Variants in GFRA1 observed in about 807,000 individuals in gnomAD.
GFRA1 encodes the protein GDNF family receptor alpha 1, also known as GDNF family receptor alpha-1.
GFRA1 carries 16 observed loss-of-function variants against 51.6 expected under a neutral mutation model. The observed-to-expected ratio is 0.31, with a 90% CI of 0.21 to 0.47. The LOEUF is 0.47. Ranked by LOEUF, GFRA1 falls within the 20% of genes least tolerant of loss-of-function variation. The pLI is 1.00. For missense variants in GFRA1, 530 were observed against 594.3 expected (o/e 0.89, Z 1.13); for synonymous variants, 270 against 241.3 (o/e 1.12, Z -1.10).
intron 5 of GFRA1, among the ~76,000 whole-genome samples, chr10:116,146,784 G>A (rs1958817956): frequency 6.6e-6 from 1 of 152,230 alleles, no homozygotes. Flanking sequence ...GGAACGTGGA[G>A]GGAAGAAAGC....
At position 116,229,649 on chromosome 10, in the gene GFRA1, A is replaced by T. The variant is rs188180154; in HGVS notation, c.419-18004T>A. Among the ~76,000 whole-genome samples, 603 of 152,300 alleles carry T rather than the reference A, an allele frequency of 4.0e-3. 5 individuals are homozygous for T. Among genetic ancestry groups the T allele is most frequent in the Non-Finnish European group, 7.3e-3 (498 of 68,014 alleles). On this transcript the variant is annotated intron_variant, in intron 4 of 10. Coordinates refer to ENST00000355422, the MANE Select transcript of GFRA1 (RefSeq NM_005264.8). ...GTATTTGGAGCACATGAAGGTGAGG[A>T]GGTGGCTCCCCTGCTAGGTTAAAAC...
intron 4 of GFRA1, among the ~76,000 whole-genome samples, chr10:116,216,327 C>A (rs903454336): frequency 1.3e-5 from 2 of 152,038 alleles, no homozygotes; most frequent in Admixed American, 6.5e-5. Context: ...GTGCACAGAG[C>A]CACGCAGGTT....
intron 3 of GFRA1, among the ~76,000 whole-genome samples, chr10:116,270,262 C>A (rs1281895089): frequency 6.6e-6 from 1 of 152,232 alleles, no homozygotes; most frequent in Non-Finnish European, 1.5e-5. Context: ...TTGAACCACA[C>A]CAGCTGGTTC....
chr10:116,078,969 A>C lies in GFRA1; in HGVS notation c.1197+10772T>G, dbSNP rs374132505. On this transcript the variant is annotated intron_variant, in intron 9 of 10. Transcript: ENST00000355422. ...CCTCCTAAAGCTCCTCCGTCCTCAAAGCCATGTGTGAGAAGCCTGACCATG... is the reference window on the plus strand; with the variant it reads ...CCTCCTAAAGCTCCTCCGTCCTCAACGCCATGTGTGAGAAGCCTGACCATG... Among the ~76,000 whole-genome samples the C allele has an allele frequency of 2.8e-4, 43 of 152,206 alleles. No homozygotes were observed. The East Asian group carries it at 4.8e-3, about 17-fold the overall frequency.
chr10:116,233,096 G>A (rs1003859130), intron 4 of GFRA1, among the ~76,000 whole-genome samples: 1 of 152,156 alleles, frequency 6.6e-6, no homozygotes, highest in African/African-American at 2.4e-5. Context: ...GGAGGCCGAG[G>A]CAGGCAGATC....
intron 5 of GFRA1, among the ~76,000 whole-genome samples, chr10:116,187,881 C>T (rs904959711): frequency 6.6e-6 from 1 of 152,048 alleles, no homozygotes; most frequent in Non-Finnish European, 1.5e-5. Flanking sequence ...AGAGCCCTGG[C>T]CAGGGCTGGA....
At chr10:116,080,450 G>T (rs1395935065) in intron 9 of GFRA1, among the ~76,000 whole-genome samples, 1 of 152,146 alleles carries the variant, frequency 6.6e-6, no homozygotes, top group Non-Finnish European at 1.5e-5. Flanking sequence ...CACCATTAAA[G>T]TACTTGTGTA....
intron 9 of GFRA1, among the ~76,000 whole-genome samples, chr10:116,079,752 C>T (rs1231811346): frequency 6.6e-6 from 1 of 152,096 alleles, no homozygotes; most frequent in African/African-American, 2.4e-5. Flanking sequence ...CTGGAAGAAC[C>T]ATTCAACTCA....
In GFRA1 at chr10:116,112,882, G is replaced by T. The variant is rs536459888; in HGVS notation, c.770+12339C>A. ...GCATCCTGACCCACTGTGGCTAAAC[G>T]AGCTGGGCGCAAGGCAGGCGCACAC... is the stretch of plus-strand genomic sequence containing the variant. On this transcript the variant is annotated intron_variant, in intron 6 of 10. Transcript: ENST00000355422. Among the ~76,000 whole-genome samples, 276 of 152,324 alleles carry T rather than the reference G, an allele frequency of 1.8e-3. 1 individual carries two copies. Among genetic ancestry groups the T allele is most frequent in the Admixed American group, 3.1e-3 (47 of 15,300 alleles).
intron 5 of GFRA1, among the ~76,000 whole-genome samples, chr10:116,160,824 T>C (rs938878629): frequency 6.6e-6 from 1 of 152,194 alleles, no homozygotes. Context: ...CCACATCCAA[T>C]TCTATGCAAG....
intron 6 of GFRA1, among the ~76,000 whole-genome samples, chr10:116,117,211 C>G (rs1422294279): frequency 6.6e-6 from 1 of 152,144 alleles, no homozygotes; most frequent in Non-Finnish European, 1.5e-5. Context: ...CATCAGCACC[C>G]AGTGAATGCG....
chr10:116,150,119 G>A (rs1033623885), intron 5 of GFRA1, among the ~76,000 whole-genome samples: 1 of 152,156 alleles, frequency 6.6e-6, no homozygotes, highest in Non-Finnish European at 1.5e-5. Flanking sequence ...TGGTAGGGCT[G>A]CAGTTTGAAT....
At chr10:116,192,422 A>G (rs938499826) in intron 5 of GFRA1, among the ~76,000 whole-genome samples, 1 of 152,184 alleles carries the variant, frequency 6.6e-6, no homozygotes, top group Non-Finnish European at 1.5e-5. Context: ...CCAGCTCCAG[A>G]AAACCCATCT....
Position 116,269,410 on chromosome 10 carries a change from A to C in GFRA1, c.418+93T>G. 3 of 787,520 alleles carry C rather than the reference A, an allele frequency of 3.8e-6. No individual in the cohort carries two copies. The South Asian group carries it at 4.1e-5, about 11-fold the overall frequency. 48.8% of individuals were successfully genotyped at this position (787,520 alleles called of 1,614,324 possible). ...CCCAGAAACACTGTGCCATTCAACTATCTACTTATATGCTCTTTGAGAGCC... is the reference window on the plus strand; with the variant it reads ...CCCAGAAACACTGTGCCATTCAACTCTCTACTTATATGCTCTTTGAGAGCC... On this transcript the variant is annotated intron_variant, in intron 4 of 10. Coordinates refer to ENST00000355422, the MANE Select transcript of GFRA1 (RefSeq NM_005264.8).
At chr10:116,187,326 G>C (rs897597148) in intron 5 of GFRA1, among the ~76,000 whole-genome samples, 3 of 152,166 alleles carry the variant, frequency 2.0e-5, no homozygotes, top group African/African-American at 7.2e-5. Flanking sequence ...TGCTCGGCCA[G>C]CATCTCTGCA....
chr10:116,125,159 G>A (rs886186716), intron 6 of GFRA1, 62 bp downstream of exon 6: 31 of 1,431,060 alleles, frequency 2.2e-5, no homozygotes, highest in African/African-American at 5.6e-5. Flanking sequence ...CTTGGCAGCC[G>A]AAGCAGCCGC....
In GFRA1 at chr10:116,181,421, T is replaced by C. The variant is rs936837917; in HGVS notation, c.433+30210A>G. On this transcript the variant is annotated intron_variant, in intron 5 of 10. Coordinates refer to ENST00000355422, the MANE Select transcript of GFRA1 (RefSeq NM_005264.8). ...GCTGGCCTCACAACGGAAAGGACCC[T>C]GGGCCAGGAGTCAGGAGGAAGGCCC... Among the ~76,000 whole-genome samples, 3 of 152,166 alleles carry C rather than the reference T, an allele frequency of 2.0e-5. No homozygotes were observed. The East Asian group carries it at 5.8e-4, about 29-fold the overall frequency.
chr10:116,201,594 T>C (rs576905432), intron 5 of GFRA1, among the ~76,000 whole-genome samples: 19 of 152,184 alleles, frequency 1.2e-4, no homozygotes, highest in African/African-American at 4.6e-4. Context: ...ACCATTCTTG[T>C]AGTAGCCTCT....
chr10:116,182,250 C>T (rs1185835817), intron 5 of GFRA1, among the ~76,000 whole-genome samples: 1 of 152,050 alleles, frequency 6.6e-6, no homozygotes, highest in East Asian at 1.9e-4. Flanking sequence ...AGGGGAATGA[C>T]TAACTGACCT....
Sources: allele counts gnomAD v4.1 joint callset (sites outside exome capture counted in the v4.1 genomes callset), GRCh38; gene constraint gnomAD v4.1.1; transcripts MANE v1.5; gene names NCBI Gene and HGNC (gene_info 2026-07-23, HGNC 2026-07-21).